Variants in CHD6 observed in about 807,000 individuals in gnomAD.
CHD6 encodes the protein chromodomain helicase DNA binding protein 6.
In CHD6, 50 loss-of-function variants were observed where a neutral mutation model predicts 276.9. The ratio of observed to expected loss-of-function variants is 0.18; its 90% CI spans 0.14 to 0.23. The LOEUF is 0.23. Among genes scored for constraint, CHD6 ranks in the 10% least tolerant of loss-of-function variants. The pLI is 1.00. For synonymous variants in CHD6, 1,173 were observed against 1,229.3 expected (o/e 0.95, Z 0.96); for missense variants, 2,564 against 3,365.8 (o/e 0.76, Z 5.89).
At chr20:41,540,525 T>G (rs1226055001) in intron 2 of CHD6, among the ~76,000 whole-genome samples, 1 of 152,202 alleles carries the variant, frequency 6.6e-6, no homozygotes, top group Non-Finnish European at 1.5e-5. Context: ...CTCCCAATCA[T>G]AAGGATTCAA....
At chr20:41,506,726 C>G (rs1026820728) in intron 5 of CHD6, among the ~76,000 whole-genome samples, 7 of 152,164 alleles carry the variant, frequency 4.6e-5, no homozygotes, top group Admixed American at 4.6e-4. Context: ...CGTGTAGGTT[C>G]AAAATCTGGC....
chr20:41,445,375 C>T (rs1002294100), intron 25 of CHD6, among the ~76,000 whole-genome samples: 1 of 152,168 alleles, frequency 6.6e-6, no homozygotes, highest in Non-Finnish European at 1.5e-5. Flanking sequence ...CTATTAGAGG[C>T]AGTCCCATAT....
At chr20:41,530,566 GTA>G (rs939553042) in intron 3 of CHD6, among the ~76,000 whole-genome samples, 58 of 152,216 alleles carry the variant, frequency 3.8e-4, no homozygotes, top group African/African-American at 1.4e-3. Flanking sequence ...ATATGTGTGT[GTA>G]TATATATACA....
chr20:41,437,346 TAA>T lies in CHD6; in HGVS notation c.4008-14_4008-13del, dbSNP rs773396085. Reference sequence around the variant, plus strand: ...TATCTGTGTTGCCTCTAAATAAAAGTAAAAAAAGGCATCACATACTACCTAGG... The same window carrying T: ...TATCTGTGTTGCCTCTAAATAAAAGTAAAAAGGCATCACATACTACCTAGG... On this transcript the variant is annotated splice_polypyrimidine_tract_variant and intron_variant, in intron 26 of 36. Coordinates refer to ENST00000373233, the MANE Select transcript of CHD6 (RefSeq NM_032221.5). 4 of 1,604,306 alleles carry T rather than the reference TAA, an allele frequency of 2.5e-6. No individual in the cohort carries two copies.
intron 23 of CHD6, among the ~76,000 whole-genome samples, chr20:41,450,185 G>C (rs1318102693): frequency 2.0e-5 from 3 of 152,170 alleles, no homozygotes; most frequent in Non-Finnish European, 4.4e-5. Context: ...ATGTTATAGG[G>C]AGACGGGAAA....
intron 18 of CHD6, 72 bp from the exon 19 acceptor site, chr20:41,456,051 T>C (rs1454678777): frequency 2.1e-6 from 3 of 1,424,654 alleles, no homozygotes; most frequent in Non-Finnish European, 1.9e-6. Context: ...AATCTGGTTT[T>C]TGTGATTCAG....
intron 27 of CHD6, among the ~76,000 whole-genome samples, chr20:41,429,076 A>G (rs4812508): frequency 0.12 from 18,945 of 152,122 alleles, 2,489 homozygotes; most frequent in East Asian, 0.32. Flanking sequence ...TACTGACCTC[A>G]TGGTTTAGAG....
intron 1 of CHD6, among the ~76,000 whole-genome samples, chr20:41,561,526 T>C (rs1244136025): frequency 6.6e-6 from 1 of 152,150 alleles, no homozygotes; most frequent in Admixed American, 6.5e-5. Context: ...GGACTTCTCC[T>C]CACCATCCTC....
Position 41,404,378 on chromosome 20 carries a change from T to C in CHD6, c.*215A>G. 1 of 1,254,944 alleles carries C rather than the reference T, an allele frequency of 8.0e-7. No homozygotes were observed. The highest frequency in any genetic ancestry group is 1.0e-6 in the Non-Finnish European group (1 of 1,000,410). 77.7% of individuals were successfully genotyped at this position (1,254,944 alleles called of 1,614,324 possible). On this transcript the variant is annotated 3_prime_UTR_variant, in exon 37 of 37. Coordinates refer to ENST00000373233, the MANE Select transcript of CHD6 (RefSeq NM_032221.5). ...GAACTGGATAACAGAATGAGAATTC[T>C]GTGCCTCCTAGACTAGGTAGACAAC...
intron 1 of CHD6, among the ~76,000 whole-genome samples, chr20:41,580,716 A>G (rs935951723): frequency 6.6e-6 from 1 of 152,040 alleles, no homozygotes; most frequent in African/African-American, 2.4e-5. Flanking sequence ...AATAATGGTA[A>G]AAAGGAGACA....
intron 16 of CHD6, among the ~76,000 whole-genome samples, chr20:41,474,607 T>C (rs1008803275): frequency 3.9e-5 from 6 of 152,180 alleles, no homozygotes; most frequent in African/African-American, 1.4e-4. Flanking sequence ...CCATGAATCC[T>C]GGCAAAATCC....
intron 22 of CHD6, 108 bp downstream of exon 22, chr20:41,451,718 C>T: frequency 2.1e-6 from 2 of 949,802 alleles, no homozygotes; most frequent in East Asian, 2.4e-5. Context: ...CTGAAAAACA[C>T]CCGAGAAAGA....
intron 36 of CHD6, among the ~76,000 whole-genome samples, chr20:41,409,279 G>A (rs1476354964): frequency 6.6e-6 from 1 of 152,186 alleles, no homozygotes; most frequent in Non-Finnish European, 1.5e-5. Flanking sequence ...CAGCGGCCAG[G>A]CGGGCTTTGG....
In CHD6 at chr20:41,405,150, T is replaced by C; in HGVS notation, c.7591A>G (p.Met2531Val). ...MLPGMAAVPQ[M>V]FGVGGLLSPP... ...CTGAGGAGTCCCCCAACACCAAACATCTGGGGCACAGCAGCCATGCCTGGC... is the reference window on the plus strand; with the variant it reads ...CTGAGGAGTCCCCCAACACCAAACACCTGGGGCACAGCAGCCATGCCTGGC... Residue 2531 changes from methionine (M) to valine (V), a missense_variant, in exon 37 of 37, where the codon ATG (methionine) becomes GTG (valine). Transcript: ENST00000373233. 2 of 1,614,194 alleles carry C rather than the reference T, an allele frequency of 1.2e-6. No individual in the cohort carries two copies. Among genetic ancestry groups the C allele is most frequent in the South Asian group, 1.1e-5 (1 of 91,086 alleles).
chr20:41,434,506 G>A (rs188759040), intron 27 of CHD6, among the ~76,000 whole-genome samples: 165 of 152,262 alleles, frequency 1.1e-3, no homozygotes, highest in African/African-American at 3.5e-3. Context: ...GAGTAGCTGG[G>A]ATTACAGGCA....
chr20:41,535,322 C>G (rs1203278126), intron 2 of CHD6, among the ~76,000 whole-genome samples: 1 of 152,212 alleles, frequency 6.6e-6, no homozygotes, highest in African/African-American at 2.4e-5. Flanking sequence ...GTTTCATGAC[C>G]TGTAATCTTT....
rs181104267 is a variant in CHD6, at chr20:41,601,214, A to G, written c.-24+17126T>C. Among the ~76,000 whole-genome samples, 19 of 152,230 alleles carry G rather than the reference A, an allele frequency of 1.2e-4. No homozygotes were observed. In the East Asian group the frequency reaches 3.7e-3, roughly 29 times the overall value. On this transcript the variant is annotated intron_variant, in intron 1 of 36. Transcript: ENST00000373233. ...TGTTCTATTACTTTGGTTCACTTCAATTTAAATATTGGTCATGTTTATTTC... is the reference window on the plus strand; with the variant it reads ...TGTTCTATTACTTTGGTTCACTTCAGTTTAAATATTGGTCATGTTTATTTC...
At chr20:41,507,488 C>T (rs2145938584) in intron 5 of CHD6, among the ~76,000 whole-genome samples, 1 of 151,736 alleles carries the variant, frequency 6.6e-6, no homozygotes, top group African/African-American at 2.4e-5. Flanking sequence ...TTTATTTTAT[C>T]CTAATGAAAC....
chr20:41,538,907 T>C (rs1051977686), intron 2 of CHD6, among the ~76,000 whole-genome samples: 2 of 152,150 alleles, frequency 1.3e-5, no homozygotes, highest in Non-Finnish European at 2.9e-5. Context: ...TCAATCCAGA[T>C]ATCTGCCTTT....
Sources: gnomAD v4.1 joint callset for allele counts (sites outside exome capture counted in the v4.1 genomes callset) on GRCh38, gnomAD v4.1.1 for gene constraint, MANE v1.5 for transcripts, NCBI Gene and HGNC (gene_info 2026-07-23, HGNC 2026-07-21) for gene names.